KLF6: variants seen among roughly 807,000 people sequenced by gnomAD.
KLF6 encodes the protein Krueppel-like factor 6.
For missense variants in KLF6, 233 were observed against 359.8 expected, an observed-to-expected ratio of 0.65 and a Z score of 2.85; for synonymous variants, 152 against 147.9, an observed-to-expected ratio of 1.03 and a Z score of -0.20.
At chr10:3,784,613 A>G (rs1832607850) in intron 1 of KLF6, among the ~76,000 whole-genome samples, 1 of 150,802 alleles carries the variant, frequency 6.6e-6, no homozygotes, top group Non-Finnish European at 1.5e-5. Context: ...AAAAAAAAAC[A>G]CCTTGGCAGG....
chr10:3,780,067 C>CCCCA lies in KLF6; in HGVS notation c.800+35_800+38dup. ...AACCCTGGTCATCACATTCCCAAGG[C>CCCCA]CCCACGCTCCTTGCCCAGCATTGTC... is the stretch of plus-strand genomic sequence containing the variant. On this transcript the variant is annotated intron_variant, in intron 3 of 3. Transcript: ENST00000497571. This position sits in a 1 kb window ranked among gnomAD's most constrained non-coding sequence, Gnocchi z 4.6. 6.2e-7 allele frequency: 1 copy of CCCCA among 1,613,052 alleles called. No homozygotes were observed. The highest frequency in any genetic ancestry group is 8.5e-7 in the Non-Finnish European group (1 of 1,179,430).
Position 3,780,330 on chromosome 10 carries a change from G to C in KLF6, c.677-101C>G, listed in dbSNP as rs963939145. ...CACAGTGGTGGGATGCAAGGCCAGG[G>C]ACCCAGTGGCTTCTGGCATCGGTAA... On this transcript the variant is annotated intron_variant, in intron 2 of 3. Transcript: ENST00000497571. The surrounding 1 kb of genome is among the most constrained non-coding windows in gnomAD (Gnocchi z 4.6). 3 of 1,445,416 alleles carry C rather than the reference G, an allele frequency of 2.1e-6. No homozygotes were observed. The highest frequency in any genetic ancestry group is 2.9e-6 in the Non-Finnish European group (3 of 1,038,934). 89.5% of individuals were successfully genotyped at this position (1,445,416 alleles called of 1,614,324 possible).
chr10:3,776,917 A>G lies in KLF6; in HGVS notation c.*2622T>C, dbSNP rs1316549674. ...TTTCGTAAGTGAGACAAGCCAGTGC[A>G]AGTTTTTTTTTTTCCTTTTTTTTTT... On this transcript the variant is annotated 3_prime_UTR_variant, in exon 4 of 4. Transcript: ENST00000497571. The G allele has an allele frequency of 3.9e-6, 2 of 515,384 alleles. No individual in the cohort carries two copies. Among genetic ancestry groups the G allele is most frequent in the East Asian group, 8.0e-5 (2 of 24,902 alleles). The allele number at this position is 515,384 out of a possible 1,614,324, so 31.9% of individuals were successfully genotyped here.
Position 3,781,335 on chromosome 10 carries a change from C to T in KLF6, c.676+306G>A. On this transcript the variant is annotated intron_variant, in intron 2 of 3. Transcript: ENST00000497571. This position sits in a 1 kb window ranked among gnomAD's most constrained non-coding sequence, Gnocchi z 5.8. ...GAGTGCACTGGTGAAGGGGCAGTGG[C>T]CTCGGATCCCCAGCACTACTAAGGG... 2 of 1,250,578 alleles carry T rather than the reference C, an allele frequency of 1.6e-6. No homozygotes were observed. The highest frequency in any genetic ancestry group is 2.1e-6 in the Non-Finnish European group (2 of 931,248). 77.5% of individuals were successfully genotyped at this position (1,250,578 alleles called of 1,614,324 possible). A position where few individuals can be genotyped will look rare whatever the true frequency, so the allele number is the denominator to read the frequency against.
Position 3,778,123 on chromosome 10 carries a change from T to C in KLF6, c.*1416A>G. On this transcript the variant is annotated 3_prime_UTR_variant, in exon 4 of 4. Transcript: ENST00000497571. Reference sequence around the variant, plus strand: ...AAAGTGTTGAACAAATACTGACATGTAAAGGGAGTTTCACTCTATGTCTTT... The same window carrying C: ...AAAGTGTTGAACAAATACTGACATGCAAAGGGAGTTTCACTCTATGTCTTT... 1.9e-6 allele frequency: 1 copy of C among 517,698 alleles called. No individual in the cohort carries two copies. The highest frequency in any genetic ancestry group is 1.5e-5 in the South Asian group (1 of 65,040). The allele number at this position is 517,698 out of a possible 1,614,324, so 32.1% of individuals were successfully genotyped here.
At position 3,780,406 on chromosome 10, in the gene KLF6, C is replaced by T; in HGVS notation, c.677-177G>A. 1.4e-6 allele frequency: 1 copy of T among 717,660 alleles called. No homozygotes were observed. The highest frequency in any genetic ancestry group is 2.5e-6 in the Non-Finnish European group (1 of 405,784). 44.5% of individuals were successfully genotyped at this position (717,660 alleles called of 1,614,324 possible). On this transcript the variant is annotated intron_variant, in intron 2 of 3. Coordinates refer to ENST00000497571, the MANE Select transcript of KLF6 (RefSeq NM_001300.6). The surrounding 1 kb of genome is among the most constrained non-coding windows in gnomAD (Gnocchi z 4.6). Reference sequence around the variant, plus strand: ...AGACAACAGCAGCTCTCTCCTGACCCAGTCTCAGGCCTCCCACTGCTGTCC... The same window carrying T: ...AGACAACAGCAGCTCTCTCCTGACCTAGTCTCAGGCCTCCCACTGCTGTCC...
At position 3,780,611 on chromosome 10, in the gene KLF6, T is replaced by A. The variant is rs1832495135; in HGVS notation, c.677-382A>T. The A allele has an allele frequency of 2.8e-6, 1 of 354,602 alleles. No homozygotes were observed. 22.0% of individuals were successfully genotyped at this position (354,602 alleles called of 1,614,324 possible). A position where few individuals can be genotyped will look rare whatever the true frequency, so the allele number is the denominator to read the frequency against. ...CAACTGTTTCTCCCAAACACACTTC[T>A]GTTCCATCCTCACTTCCCTATGGAA... On this transcript the variant is annotated intron_variant, in intron 2 of 3. Coordinates refer to ENST00000497571, the MANE Select transcript of KLF6 (RefSeq NM_001300.6). This position sits in a 1 kb window ranked among gnomAD's most constrained non-coding sequence, Gnocchi z 4.6.
At position 3,781,760 on chromosome 10, in the gene KLF6, T is replaced by G; in HGVS notation, c.557A>C (p.Lys186Thr). The change falls in exon 2 of 4, where the codon AAG (lysine) becomes ACG (threonine). Residue 186 changes from lysine (K) to threonine (T), a missense_variant. By Grantham distance (78) the Lys-to-Thr change is moderately conservative. Transcript: ENST00000497571. This position sits in a 1 kb window ranked among gnomAD's most constrained non-coding sequence, Gnocchi z 5.8. Reference protein sequence around the residue: ...RSGTSGKPGDKGNGDASPDGR... With the variant: ...RSGTSGKPGDTGNGDASPDGR... ...GTCGGGGGAGGCATCGCCATTTCCC[T>G]TGTCACCTGGCTTCCCCGAAGTCCC... is the stretch of plus-strand genomic sequence containing the variant. The G allele has an allele frequency of 6.2e-7, 1 of 1,614,236 alleles. No individual in the cohort carries two copies. Among genetic ancestry groups the G allele is most frequent in the Non-Finnish European group, 8.5e-7 (1 of 1,180,036 alleles).
In KLF6 at chr10:3,776,065, C is replaced by G; in HGVS notation, c.*3474G>C. On this transcript the variant is annotated 3_prime_UTR_variant, in exon 4 of 4. Transcript: ENST00000497571. ...GTGGGCTGAGGTTGTGAGAACAGCC[C>G]TCTGGCCTGGAGTCCCTCTGCCTCC... 1.9e-6 allele frequency: 1 copy of G among 524,446 alleles called. No individual in the cohort carries two copies. The highest frequency in any genetic ancestry group is 3.7e-6 in the Non-Finnish European group (1 of 269,342). The allele number at this position is 524,446 out of a possible 1,614,324, so 32.5% of individuals were successfully genotyped here.
At position 3,780,310 on chromosome 10, in the gene KLF6, T is replaced by C; in HGVS notation, c.677-81A>G. Reference sequence around the variant, plus strand: ...AGGGGAAATTCAACAACACACACAGTGGTGGGATGCAAGGCCAGGGACCCA... The same window carrying C: ...AGGGGAAATTCAACAACACACACAGCGGTGGGATGCAAGGCCAGGGACCCA... On this transcript the variant is annotated intron_variant, in intron 2 of 3. Coordinates refer to ENST00000497571, the MANE Select transcript of KLF6 (RefSeq NM_001300.6). The surrounding 1 kb of genome is among the most constrained non-coding windows in gnomAD (Gnocchi z 4.6). 1 of 1,568,632 alleles carries C rather than the reference T, an allele frequency of 6.4e-7. No individual in the cohort carries two copies.
rs1203771347 is a variant in KLF6 at position 3,776,559 on chromosome 10, T to A, written c.*2980A>T. 2 of 526,338 alleles carry A rather than the reference T, an allele frequency of 3.8e-6. No individual in the cohort carries two copies. Among genetic ancestry groups the A allele is most frequent in the East Asian group, 8.1e-5 (2 of 24,750 alleles). 32.6% of individuals were successfully genotyped at this position (526,338 alleles called of 1,614,324 possible). On this transcript the variant is annotated 3_prime_UTR_variant, in exon 4 of 4. Coordinates refer to ENST00000497571, the MANE Select transcript of KLF6 (RefSeq NM_001300.6). ...AAAACAACCAGACTCAAGATGCTGATAAGAATTCTTTTATGTTATTCCAAT... is the reference window on the plus strand; with the variant it reads ...AAAACAACCAGACTCAAGATGCTGAAAAGAATTCTTTTATGTTATTCCAAT...
rs774569944 is a variant in KLF6, at chr10:3,781,551, C to G, written c.676+90G>C. On this transcript the variant is annotated intron_variant, in intron 2 of 3. Coordinates refer to ENST00000497571, the MANE Select transcript of KLF6 (RefSeq NM_001300.6). The surrounding 1 kb of genome is among the most constrained non-coding windows in gnomAD (Gnocchi z 5.8). ...AGGATTTGTCTGCCCTGACCACATC[C>G]TGTGCAGCCAGGCCCGGCTCCCTCC... 1.3e-6 allele frequency: 2 copies of G among 1,572,216 alleles called. No homozygotes were observed. Among genetic ancestry groups the G allele is most frequent in the South Asian group, 1.2e-5 (1 of 86,952 alleles).
rs1241221970 is a variant in KLF6, at chr10:3,776,298, C to T, written c.*3241G>A. On this transcript the variant is annotated 3_prime_UTR_variant, in exon 4 of 4. Transcript: ENST00000497571. ...AAACCGGCATGGTTCCCTACTGTGCCCACAGCCGGGGGGTTGTTTTTGTCA... is the reference window on the plus strand; with the variant it reads ...AAACCGGCATGGTTCCCTACTGTGCTCACAGCCGGGGGGTTGTTTTTGTCA... The T allele has an allele frequency of 7.5e-6, 4 of 533,124 alleles. No individual in the cohort carries two copies. The highest frequency in any genetic ancestry group is 1.5e-5 in the Non-Finnish European group (4 of 275,702). 33.0% of individuals were successfully genotyped at this position (533,124 alleles called of 1,614,324 possible). A position where few individuals can be genotyped will look rare whatever the true frequency, so the allele number is the denominator to read the frequency against.
Position 3,779,210 on chromosome 10 carries a change from A to C in KLF6, c.*329T>G, listed in dbSNP as rs774358231. The C allele has an allele frequency of 3.5e-6, 2 of 564,328 alleles. No individual in the cohort carries two copies. The highest frequency in any genetic ancestry group is 3.1e-5 in the South Asian group (2 of 65,442). 35.0% of individuals were successfully genotyped at this position (564,328 alleles called of 1,614,324 possible). A position where few individuals can be genotyped will look rare whatever the true frequency, so the allele number is the denominator to read the frequency against. On this transcript the variant is annotated 3_prime_UTR_variant, in exon 4 of 4. Transcript: ENST00000497571. ...ACCACAAGGAAAAAAAGTTGGCCTCATCATACGGTCAGTAATAGATCCTCA... is the reference window on the plus strand; with the variant it reads ...ACCACAAGGAAAAAAAGTTGGCCTCCTCATACGGTCAGTAATAGATCCTCA...
In KLF6 at chr10:3,782,327, T is replaced by A; in HGVS notation, c.103-113A>T. On this transcript the variant is annotated intron_variant, in intron 1 of 3. Transcript: ENST00000497571. This position sits in a 1 kb window ranked among gnomAD's most constrained non-coding sequence, Gnocchi z 4.3. The stretch of plus-strand genomic sequence containing the variant: ...AAGGACAGATAACATTGCTGCCCGG[T>A]CACTACAGGGGCAAAACCTTTTGTA... 1 of 855,884 alleles carries A rather than the reference T, an allele frequency of 1.2e-6. No homozygotes were observed. The highest frequency in any genetic ancestry group is 1.9e-6 in the Non-Finnish European group (1 of 521,788). The allele number at this position is 855,884 out of a possible 1,614,324, so 53.0% of individuals were successfully genotyped here.
intron 1 of KLF6, 49 bp downstream of exon 1, chr10:3,784,864 C>G: frequency 6.4e-7 from 1 of 1,566,530 alleles, no homozygotes; most frequent in South Asian, 1.2e-5. Flanking sequence ...AACAGCCGAC[C>G]CGGCCCGCGC....
intron 1 of KLF6, among the ~76,000 whole-genome samples, chr10:3,783,533 C>T (rs750324629): frequency 1.1e-4 from 17 of 152,178 alleles, no homozygotes; most frequent in Non-Finnish European, 2.5e-4. Flanking sequence ...GGCAATCCCT[C>T]CCCCTCCCCA....
Position 3,784,831 on chromosome 10 carries a change from G to A in KLF6, c.102+82C>T, listed in dbSNP as rs367841043. On this transcript the variant is annotated intron_variant, in intron 1 of 3. Transcript: ENST00000497571. ...CGGGGCCCAGGCCCAGCGGACCGCA[G>A]AGAGCACCGGGTCTGAACCCCAAAC... The A allele has an allele frequency of 2.6e-4, 343 of 1,338,548 alleles. 2 individuals carry two copies. The African/African-American group carries it at 5.1e-3, about 20-fold the overall frequency. The allele number at this position is 1,338,548 out of a possible 1,614,324, so 82.9% of individuals were successfully genotyped here. A position where few individuals can be genotyped will look rare whatever the true frequency, so the allele number is the denominator to read the frequency against.
At position 3,780,920 on chromosome 10, in the gene KLF6, C is replaced by G. The variant is rs533820148; in HGVS notation, c.677-691G>C. On this transcript the variant is annotated intron_variant, in intron 2 of 3. Coordinates refer to ENST00000497571, the MANE Select transcript of KLF6 (RefSeq NM_001300.6). The surrounding 1 kb of genome is among the most constrained non-coding windows in gnomAD (Gnocchi z 4.6). ...CAGCTGTCACCAAGCCTGTCTGGGACTGACTCTCAGCAATTTGCTCTCCTA... is the reference window on the plus strand; with the variant it reads ...CAGCTGTCACCAAGCCTGTCTGGGAGTGACTCTCAGCAATTTGCTCTCCTA... 4.1e-4 allele frequency: 67 copies of G among 164,056 alleles called. No homozygotes were observed. Among genetic ancestry groups the G allele is most frequent in the Non-Finnish European group, 8.0e-4 (59 of 74,120 alleles). The allele number at this position is 164,056 out of a possible 1,614,324, so 10.2% of individuals were successfully genotyped here.
Sources: gnomAD v4.1 joint callset for allele counts (sites outside exome capture counted in the v4.1 genomes callset) on GRCh38, gnomAD v4.1.1 for gene constraint, Gnocchi (gnomAD v3.1) non-coding constraint, MANE v1.5 for transcripts, NCBI Gene and HGNC (gene_info 2026-07-23, HGNC 2026-07-21) for gene names.